UGGT1: variants seen among roughly 807,000 people sequenced by gnomAD.
UGGT1 encodes the protein UDP-glucose glycoprotein glucosyltransferase 1.
UGGT1 carries 107 observed loss-of-function variants against 203.9 expected under a neutral mutation model. That is an observed-to-expected ratio of 0.52 (90% CI 0.45 to 0.62). The LOEUF (loss-of-function observed/expected upper bound fraction) is 0.62. Among genes scored for constraint, UGGT1 ranks in the 20% least tolerant of loss-of-function variants. The pLI is 0.00. For missense variants in UGGT1, 1,673 were observed against 1,867.2 expected (o/e 0.90, Z 1.92); for synonymous variants, 628 against 653.5 (o/e 0.96, Z 0.59).
intron 15 of UGGT1, among the ~76,000 whole-genome samples, chr2:128,137,738 G>T (rs1158333692): frequency 6.6e-6 from 1 of 152,136 alleles, no homozygotes; most frequent in Admixed American, 6.5e-5. Flanking sequence ...TATAAAGTCT[G>T]GTCTAGACTG....
intron 36 of UGGT1, among the ~76,000 whole-genome samples, chr2:128,181,765 G>T (rs1041379293): frequency 4.6e-5 from 7 of 152,174 alleles, no homozygotes; most frequent in Admixed American, 4.6e-4. Context: ...GATGGGCAAG[G>T]CATTATTCTA....
intron 24 of UGGT1, 35 bp from the exon 25 acceptor site, chr2:128,161,098 GCCTTC>G: frequency 6.2e-7 from 1 of 1,608,136 alleles, no homozygotes; most frequent in Non-Finnish European, 8.5e-7. Context: ...AGTGCAGGCA[GCCTTC>G]CAGAGCTAAG....
At chr2:128,135,424 T>TC (rs1689086323) in intron 15 of UGGT1, among the ~76,000 whole-genome samples, 2 of 152,086 alleles carry the variant, frequency 1.3e-5, no homozygotes, top group African/African-American at 2.4e-5. Flanking sequence ...ATTTCCACTG[T>TC]CTTTTTAAGA....
intron 4 of UGGT1, among the ~76,000 whole-genome samples, chr2:128,109,209 AT>A (rs933504628): frequency 8.9e-5 from 13 of 146,160 alleles, no homozygotes; most frequent in African/African-American, 3.0e-4. Flanking sequence ...GCATTTATTG[AT>A]TTTGTTTTTT....
Position 128,145,811 on chromosome 2 carries a change from A to G in UGGT1, c.1860A>G (p.Arg620=), listed in dbSNP as rs567653538. Residue 620 remains arginine, a synonymous_variant, in exon 18 of 41, where the codon AGA becomes AGG. Transcript: ENST00000259253. Reference sequence around the variant, plus strand: ...GGTTACTTGTGTTTCAGGAAGCAAGAGGCTACTATGAGCAGACTGGAGTTG... The same window carrying G: ...GGTTACTTGTGTTTCAGGAAGCAAGGGGCTACTATGAGCAGACTGGAGTTG... ...SAYDRNRKEA[R]GYYEQTGVGP... is the part of the protein sequence containing the mutation. 1 of 1,570,602 alleles carries G rather than the reference A, an allele frequency of 6.4e-7. No homozygotes were observed. The highest frequency in any genetic ancestry group is 1.9e-5 in the Admixed American group (1 of 52,198).
intron 6 of UGGT1, among the ~76,000 whole-genome samples, chr2:128,114,695 C>A (rs1688019156): frequency 6.6e-6 from 1 of 152,162 alleles, no homozygotes; most frequent in African/African-American, 2.4e-5. Context: ...TCTGGAACTT[C>A]TTTTTCTCTT....
At chr2:128,109,443 C>T (rs372145345) in intron 4 of UGGT1, among the ~76,000 whole-genome samples, 191 bp from the exon 5 acceptor site, 1 of 152,006 alleles carries the variant, frequency 6.6e-6, no homozygotes, top group South Asian at 2.1e-4. Flanking sequence ...CTTAACTGCC[C>T]AGGCTTGGGC....
chr2:128,119,003 AGT>A (rs1688254560), intron 8 of UGGT1, among the ~76,000 whole-genome samples: 1 of 152,092 alleles, frequency 6.6e-6, no homozygotes, highest in Non-Finnish European at 1.5e-5. Context: ...GTATAGGTTG[AGT>A]GTCTTTTTTC....
intron 11 of UGGT1, among the ~76,000 whole-genome samples, chr2:128,127,089 C>G (rs1342277608): frequency 2.0e-5 from 3 of 152,142 alleles, no homozygotes; most frequent in African/African-American, 7.2e-5. Flanking sequence ...AATTGATACA[C>G]CTTTCCATGA....
At position 128,103,928 on chromosome 2, in the gene UGGT1, C is replaced by T. The variant is rs762157546; in HGVS notation, c.195-4C>T. On this transcript the variant is annotated splice_polypyrimidine_tract_variant and splice_region_variant and intron_variant, in intron 2 of 40. Coordinates refer to ENST00000259253, the MANE Select transcript of UGGT1 (RefSeq NM_020120.4). ...GTTGTTTTATTTCTGATCTTTTCTC[C>T]CAGTGAGTTTTTAGCAGAAGACAGT... The T allele has an allele frequency of 3.2e-6, 5 of 1,573,900 alleles. No homozygotes were observed. Among genetic ancestry groups the T allele is most frequent in the Non-Finnish European group, 3.4e-6 (4 of 1,166,480 alleles).
In UGGT1 at chr2:128,172,694, A is replaced by G; in HGVS notation, c.3226A>G (p.Thr1076Ala). 1 of 1,614,146 alleles carries G rather than the reference A, an allele frequency of 6.2e-7. No individual in the cohort carries two copies. Among genetic ancestry groups the G allele is most frequent in the African/African-American group, 1.3e-5 (1 of 75,040 alleles). ...TCCACTGTTCACTCTGAATTTGAAC[A>G]CACCTGAGAGCTGGATGGTAGAATC... Reference protein sequence around the residue: ...QSPLFTLNLNTPESWMVESVR... With the variant: ...QSPLFTLNLNAPESWMVESVR... The change falls in exon 29 of 41, where the codon ACA becomes GCA. Residue 1076 changes from threonine to alanine, a missense_variant. By Grantham distance (58) the Thr-to-Ala change is moderately conservative. Transcript: ENST00000259253.
In UGGT1 at chr2:128,127,342, AATT is replaced by A; in HGVS notation, c.1135-14_1135-12del. On this transcript the variant is annotated splice_polypyrimidine_tract_variant and intron_variant, in intron 11 of 40. Coordinates refer to ENST00000259253, the MANE Select transcript of UGGT1 (RefSeq NM_020120.4). ...AAACATTCTCTCACAGCTCCCTAAT[AATT>A]ATTAAAATTTTTCAGTATTTCAAGG... The A allele has an allele frequency of 6.4e-7, 1 of 1,572,384 alleles. No individual in the cohort carries two copies. The highest frequency in any genetic ancestry group is 1.1e-5 in the South Asian group (1 of 89,010).
chr2:128,144,219 C>A (rs1689572338), intron 17 of UGGT1, among the ~76,000 whole-genome samples: 3 of 152,186 alleles, frequency 2.0e-5, no homozygotes, highest in South Asian at 4.1e-4. Context: ...TATAAAACTA[C>A]CAAAAATTAA....
chr2:128,108,678 A>G (rs1687714165), intron 4 of UGGT1, among the ~76,000 whole-genome samples: 1 of 26,532 alleles, frequency 3.8e-5, no homozygotes, highest in Admixed American at 5.2e-4. Context: ...CTCCTCACAA[A>G]AAATATATAG....
At chr2:128,133,314 C>G in intron 14 of UGGT1, 54 bp downstream of exon 14, 1 of 1,596,000 alleles carries the variant, frequency 6.3e-7, no homozygotes, top group Non-Finnish European at 8.6e-7. Flanking sequence ...TGCCTAGTCC[C>G]TCTTTTTTTG....
intron 22 of UGGT1, among the ~76,000 whole-genome samples, chr2:128,158,357 C>T (rs1316182120): frequency 6.6e-6 from 1 of 152,206 alleles, no homozygotes; most frequent in Non-Finnish European, 1.5e-5. Flanking sequence ...CCTGAAAGCC[C>T]TCCCACACTT....
chr2:128,146,134 C>T (rs1320923503), intron 18 of UGGT1, among the ~76,000 whole-genome samples, 167 bp downstream of exon 18: 1 of 151,952 alleles, frequency 6.6e-6, no homozygotes, highest in African/African-American at 2.4e-5. Flanking sequence ...TATGGCAAGA[C>T]CCCATTTCTA....
Position 128,129,047 on chromosome 2 carries a change from G to C in UGGT1, c.1245G>C (p.Arg415Ser). ...QDIFSLFDVL[R>S]NEARVMEGLH... ...CCCCCAGTCTGTTTGATGTGTTGAG[G>C]AATGAAGCTCGGGTAATGGAGGGTC... is the stretch of plus-strand genomic sequence containing the variant. Residue 415 changes from arginine to serine, a missense_variant, in exon 13 of 41, where the codon AGG (arginine) becomes AGC (serine). Arg to Ser is a moderately radical substitution (Grantham distance 110). Around this residue, in one of 4 missense-constraint regions of UGGT1, gnomAD observed 1,073 missense variants for 1,078.7 expected, o/e 0.99. Coordinates refer to ENST00000259253, the MANE Select transcript of UGGT1 (RefSeq NM_020120.4). 7 of 1,609,798 alleles carry C rather than the reference G, an allele frequency of 4.3e-6. No homozygotes were observed. The South Asian group carries it at 7.8e-5, about 18-fold the overall frequency.
intron 31 of UGGT1, among the ~76,000 whole-genome samples, chr2:128,176,250 C>T (rs1691364227): frequency 6.6e-6 from 1 of 151,992 alleles, no homozygotes; most frequent in African/African-American, 2.4e-5. Context: ...CCTGTCTCTA[C>T]TAAAATACAA....
Sources: gnomAD v4.1 joint callset for allele counts (sites outside exome capture counted in the v4.1 genomes callset) on GRCh38, gnomAD v4.1.1 for gene constraint, gnomAD v4.1.1 regional missense constraint, MANE v1.5 for transcripts, NCBI Gene and HGNC (gene_info 2026-07-23, HGNC 2026-07-21) for gene names.